The following HDHD5 variants were observed in gnomAD, a reference collection of about 807,000 sequenced individuals.
HDHD5 encodes the protein haloacid dehalogenase like hydrolase domain containing 5.
Under a neutral mutation model 35.5 loss-of-function variants are expected in HDHD5, and 34 were observed. That is an observed-to-expected ratio of 0.96 (90% confidence interval 0.73 to 1.28). The LOEUF (loss-of-function observed/expected upper bound fraction) is 1.28, where lower values mean the gene tolerates loss of function less well. Among genes scored for constraint, HDHD5 ranks in the 50% most tolerant of loss-of-function variants. HDHD5 has a pLI of 0.00. For missense variants in HDHD5, 589 were observed against 560.2 expected (o/e 1.05, Z -0.52); for synonymous variants, 248 against 240.6 (o/e 1.03, Z -0.29).
intron 1 of HDHD5, 188 bp downstream of exon 1, chr22:17,158,938 G>A (rs1041867085): frequency 2.2e-6 from 1 of 450,022 alleles, no homozygotes; most frequent in Non-Finnish European, 3.4e-6. Context: ...GAGGCCGCCA[G>A]CGAGTCAGAG....
chr22:17,150,143 A>C lies in HDHD5; in HGVS notation c.127-398T>G, dbSNP rs569119231. ...TCCCAACACTTTAAAACAACCAATT[A>C]ATAGTTCCCCTTTTTTCTCTATTCT... is the stretch of plus-strand genomic sequence containing the variant. On this transcript the variant is annotated intron_variant, in intron 1 of 7. Coordinates refer to ENST00000336737, the MANE Select transcript of HDHD5 (RefSeq NM_033070.3). Among the ~76,000 whole-genome samples, 6 of 152,120 alleles carry C rather than the reference A, an allele frequency of 3.9e-5. No individual in the cohort carries two copies. In the East Asian group the frequency reaches 1.2e-3, roughly 29 times the overall value.
At chr22:17,162,194 C>G (rs983531824), upstream of HDHD5, among the ~76,000 whole-genome samples, 2 of 152,210 alleles carry the variant, frequency 1.3e-5, no homozygotes, top group African/African-American at 4.8e-5. Flanking sequence ...GGTGGAGCTT[C>G]CATTCCTGGC....
intron 6 of HDHD5, among the ~76,000 whole-genome samples, chr22:17,139,254 G>A (rs2061572006): frequency 6.6e-6 from 1 of 152,184 alleles, no homozygotes; most frequent in Admixed American, 6.5e-5. Flanking sequence ...GCGGCCAGGC[G>A]CAGTGGCTCA....
At chr22:17,157,829 C>T (rs1164436184) in intron 1 of HDHD5, among the ~76,000 whole-genome samples, 1 of 152,198 alleles carries the variant, frequency 6.6e-6, no homozygotes, top group African/African-American at 2.4e-5. Flanking sequence ...CACCAGACTA[C>T]CTGAGTTCCA....
chr22:17,141,384 G>GC (rs2061600105), intron 5 of HDHD5, 151 bp from the exon 6 acceptor site: 8 of 1,390,972 alleles, frequency 5.8e-6, no homozygotes, highest in Non-Finnish European at 6.5e-6. Flanking sequence ...GCCCAGTAGA[G>GC]CCCCTTACCC....
At chr22:17,159,992 C>T (rs1270219526), upstream of HDHD5, among the ~76,000 whole-genome samples, 5 of 152,214 alleles carry the variant, frequency 3.3e-5, no homozygotes, top group Non-Finnish European at 5.9e-5. Flanking sequence ...TAGCCGACTC[C>T]GTCCGTGGAG....
At chr22:17,159,281 G>T, upstream of HDHD5, 2 of 1,222,992 alleles carry the variant, frequency 1.6e-6, no homozygotes, top group Non-Finnish European at 2.0e-6. Context: ...CGTGCACGGC[G>T]TGCGGCCCCC....
At chr22:17,162,983 C>T (rs913090647), upstream of HDHD5, among the ~76,000 whole-genome samples, 18 of 152,190 alleles carry the variant, frequency 1.2e-4, no homozygotes, top group Admixed American at 3.3e-4. Flanking sequence ...AGTCATGTTA[C>T]GACACAATCA....
chr22:17,142,049 AAAACTATCCCACACTAAAATT>A, intron 5 of HDHD5: 1 of 152,164 alleles, frequency 6.6e-6, no homozygotes, highest in Non-Finnish European at 1.5e-5. Context: ...TGTGCAATCA[AAAACTATCCCACACTAAAATT>A]AATTTTTAAA....
intron 3 of HDHD5, 51 bp from the exon 4 acceptor site, chr22:17,145,168 T>C: frequency 6.2e-7 from 1 of 1,608,878 alleles, no homozygotes; most frequent in South Asian, 1.1e-5. Flanking sequence ...GAAGATGCCT[T>C]TCTGAATGCA....
At chr22:17,161,245 C>CA (rs574657476), upstream of HDHD5, among the ~76,000 whole-genome samples, 42,457 of 105,030 alleles carry the variant, frequency 0.4, 7,926 homozygotes, top group East Asian at 0.63. Flanking sequence ...GACTCTATCT[C>CA]AAAAAAAAAA....
At chr22:17,160,581 A>T (rs146548685), upstream of HDHD5, among the ~76,000 whole-genome samples, 1,259 of 151,558 alleles carry the variant, frequency 8.3e-3, 10 homozygotes, top group African/African-American at 0.029. Context: ...CCCAGGCAGC[A>T]GAAGTTGCAG....
intron 3 of HDHD5, among the ~76,000 whole-genome samples, chr22:17,147,862 G>C (rs2061683191): frequency 6.6e-6 from 1 of 152,208 alleles, no homozygotes; most frequent in Non-Finnish European, 1.5e-5. Flanking sequence ...TGTTATTCTT[G>C]CCTCCAGCAC....
At chr22:17,150,429 A>G (rs557232049) in intron 1 of HDHD5, among the ~76,000 whole-genome samples, 1 of 152,230 alleles carries the variant, frequency 6.6e-6, no homozygotes, top group African/African-American at 2.4e-5. Context: ...TTATAAATCT[A>G]TAGTATACAC....
intron 1 of HDHD5, among the ~76,000 whole-genome samples, chr22:17,156,419 T>C (rs1207156656): frequency 6.6e-6 from 1 of 152,170 alleles, no homozygotes; most frequent in Non-Finnish European, 1.5e-5. Flanking sequence ...GAGACCAGTC[T>C]GGCCAACATG....
chr22:17,157,420 A>G (rs1383929609), intron 1 of HDHD5, among the ~76,000 whole-genome samples: 1 of 151,976 alleles, frequency 6.6e-6, no homozygotes, highest in African/African-American at 2.4e-5. Context: ...TAATAGATCC[A>G]TTACATAGAT....
At chr22:17,157,076 T>TCTCACACACACACACTCTCACACA (rs1555881505) in intron 1 of HDHD5, among the ~76,000 whole-genome samples, 23 of 56,170 alleles carry the variant, frequency 4.1e-4, no homozygotes, top group African/African-American at 1.7e-3. Flanking sequence ...AGACACCGTC[T>TCTCACACACACACACTCTCACACA]CACACACATA....
At chr22:17,144,492 C>A (rs558612820) in intron 4 of HDHD5, among the ~76,000 whole-genome samples, 2 of 151,052 alleles carry the variant, frequency 1.3e-5, no homozygotes, top group African/African-American at 4.9e-5. Flanking sequence ...CAGCTCACTG[C>A]AACCTCTGCC....
chr22:17,144,097 C>G (rs2061629928), intron 4 of HDHD5, among the ~76,000 whole-genome samples: 1 of 152,334 alleles, frequency 6.6e-6, no homozygotes, highest in African/African-American at 2.4e-5. Context: ...GGATTGCTAA[C>G]TTCACAATGG....
Sources: allele counts gnomAD v4.1 joint callset (sites outside exome capture counted in the v4.1 genomes callset), GRCh38; gene constraint gnomAD v4.1.1; transcripts MANE v1.5; gene names NCBI Gene and HGNC (gene_info 2026-07-23, HGNC 2026-07-21).